The following MAN1A2 variants were observed in gnomAD, a reference collection of about 807,000 sequenced individuals.
MAN1A2 encodes mannosidase alpha class 1A member 2, also known as mannosyl-oligosaccharide 1,2-alpha-mannosidase IB.
Under a neutral mutation model 75.7 loss-of-function variants are expected in MAN1A2, and 26 were observed. That is an observed-to-expected ratio of 0.34 (90% CI 0.25 to 0.48). The LOEUF is 0.48. Among genes scored for constraint, MAN1A2 ranks in the 20% least tolerant of loss-of-function variants. The pLI is 0.99. For missense variants in MAN1A2, 562 were observed against 775.5 expected (o/e 0.72, Z 3.27); for synonymous variants, 247 against 264.6 (o/e 0.93, Z 0.65).
At chr1:117,479,082 A>G (rs1335897112) in intron 8 of MAN1A2, among the ~76,000 whole-genome samples, 1 of 151,424 alleles carries the variant, frequency 6.6e-6, no homozygotes, top group Non-Finnish European at 1.5e-5. Flanking sequence ...CCCTCCCCCT[A>G]TACCTCCAAA....
At chr1:117,427,587 A>G (rs1240517232) in intron 5 of MAN1A2, among the ~76,000 whole-genome samples, 1 of 152,192 alleles carries the variant, frequency 6.6e-6, no homozygotes, top group Admixed American at 6.5e-5. Flanking sequence ...TAATGACTAT[A>G]TTTTTTCTAT....
chr1:117,436,382 G>T (rs910916037), intron 5 of MAN1A2, among the ~76,000 whole-genome samples: 11 of 152,150 alleles, frequency 7.2e-5, no homozygotes, highest in African/African-American at 2.4e-4. Context: ...TGTCTTTGGG[G>T]TGGGTGATAA....
At chr1:117,413,154 AAC>A in intron 3 of MAN1A2, among the ~76,000 whole-genome samples, 1 of 152,056 alleles carries the variant, frequency 6.6e-6, no homozygotes, top group East Asian at 1.9e-4. Context: ...GGAACGTAAC[AAC>A]ACATAACTTT....
intron 8 of MAN1A2, among the ~76,000 whole-genome samples, chr1:117,479,919 G>A (rs1650440800): frequency 6.6e-6 from 1 of 151,802 alleles, no homozygotes; most frequent in African/African-American, 2.4e-5. Context: ...TTCTTGTTTT[G>A]CTTTTAGGAT....
intron 1 of MAN1A2, among the ~76,000 whole-genome samples, chr1:117,371,483 A>G (rs1652963853): frequency 6.6e-6 from 1 of 152,164 alleles, no homozygotes; most frequent in African/African-American, 2.4e-5. Flanking sequence ...GGCAGTGGGA[A>G]TAAGGAAGAC....
At chr1:117,446,711 G>T (rs1352017420) in intron 6 of MAN1A2, among the ~76,000 whole-genome samples, 3 of 151,270 alleles carry the variant, frequency 2.0e-5, no homozygotes, top group Non-Finnish European at 2.9e-5. Context: ...GGTCTTTCTT[G>T]GTAAATACAC....
intron 1 of MAN1A2, among the ~76,000 whole-genome samples, chr1:117,371,034 A>G (rs1181971516): frequency 6.6e-6 from 1 of 152,210 alleles, no homozygotes; most frequent in African/African-American, 2.4e-5. Flanking sequence ...AGTGGCATGT[A>G]TCTACTTTAC....
chr1:117,390,499 TC>T (rs1570704094), intron 1 of MAN1A2, among the ~76,000 whole-genome samples: 2 of 152,002 alleles, frequency 1.3e-5, no homozygotes, highest in East Asian at 3.8e-4. Flanking sequence ...GTTTGTGGTT[TC>T]TCTTTTTTCC....
chr1:117,443,831 A>G (rs941280121), intron 6 of MAN1A2, among the ~76,000 whole-genome samples: 3 of 152,050 alleles, frequency 2.0e-5, no homozygotes, highest in Non-Finnish European at 2.9e-5. Context: ...GCGGATCTCG[A>G]ATTCCTAGGC....
chr1:117,460,516 A>G lies in MAN1A2; in HGVS notation c.978A>G (p.Ala326=). ...KSGVGRNWGW[A]SAGSSILAEF... ...GAGTAGGGCGAAACTGGGGCTGGGC[A>G]TCTGCAGGTAGCAGCATTCTGGCTG... The change falls in exon 7 of 13, where the codon GCA becomes GCG. Residue 326 remains alanine (A), a synonymous_variant. Coordinates refer to ENST00000356554, the MANE Select transcript of MAN1A2 (RefSeq NM_006699.5). 1 of 1,612,724 alleles carries G rather than the reference A, an allele frequency of 6.2e-7. No individual in the cohort carries two copies. The highest frequency in any genetic ancestry group is 8.5e-7 in the Non-Finnish European group (1 of 1,179,362).
intron 1 of MAN1A2, among the ~76,000 whole-genome samples, chr1:117,370,719 T>A (rs909292184): frequency 2.1e-5 from 3 of 144,492 alleles, no homozygotes; most frequent in African/African-American, 7.8e-5. Context: ...AGAAACAAAT[T>A]GACAGTTTAT....
chr1:117,450,695 T>A (rs1345169286), intron 6 of MAN1A2, among the ~76,000 whole-genome samples: 1 of 152,200 alleles, frequency 6.6e-6, no homozygotes, highest in Non-Finnish European at 1.5e-5. Flanking sequence ...TCTCTAGCTG[T>A]GGCTGAAAGG....
chr1:117,372,157 A>G (rs779012567), intron 1 of MAN1A2, among the ~76,000 whole-genome samples: 9 of 152,234 alleles, frequency 5.9e-5, no homozygotes, highest in Non-Finnish European at 1.0e-4. Context: ...TTTGGTTGCA[A>G]TGATTACTTA....
intron 5 of MAN1A2, among the ~76,000 whole-genome samples, chr1:117,434,292 T>G (rs1306986803): frequency 6.6e-6 from 1 of 152,220 alleles, no homozygotes; most frequent in African/African-American, 2.4e-5. Flanking sequence ...AAGACCTTAC[T>G]GAGGTTAATT....
chr1:117,510,176 T>C (rs943595731), intron 12 of MAN1A2, among the ~76,000 whole-genome samples: 1 of 152,014 alleles, frequency 6.6e-6, no homozygotes, highest in Non-Finnish European at 1.5e-5. Flanking sequence ...CTTTTACATA[T>C]ATCTCTGCTC....
intron 5 of MAN1A2, among the ~76,000 whole-genome samples, chr1:117,428,190 C>A (rs1186143884): frequency 6.6e-6 from 1 of 151,698 alleles, no homozygotes; most frequent in East Asian, 1.9e-4. Flanking sequence ...TCACGGCTCA[C>A]TGGAACCTCA....
At chr1:117,521,831 G>A (rs982440355) in intron 12 of MAN1A2, among the ~76,000 whole-genome samples, 28 of 151,826 alleles carry the variant, frequency 1.8e-4, no homozygotes, top group African/African-American at 6.3e-4. Flanking sequence ...ATATTTATAC[G>A]ATGGACTACT....
At chr1:117,452,664 G>T (rs1649459895) in intron 6 of MAN1A2, among the ~76,000 whole-genome samples, 1 of 152,208 alleles carries the variant, frequency 6.6e-6, no homozygotes, top group Non-Finnish European at 1.5e-5. Flanking sequence ...AGAGTTTGAG[G>T]CTTACAGAGG....
At chr1:117,410,989 A>G (rs1647799900) in intron 3 of MAN1A2, among the ~76,000 whole-genome samples, 1 of 151,828 alleles carries the variant, frequency 6.6e-6, no homozygotes, top group Non-Finnish European at 1.5e-5. Flanking sequence ...CATGTTGATG[A>G]ATTTGAATAT....
Sources: allele counts gnomAD v4.1 joint callset (sites outside exome capture counted in the v4.1 genomes callset), GRCh38; gene constraint gnomAD v4.1.1; transcripts MANE v1.5; gene names NCBI Gene and HGNC (gene_info 2026-07-23, HGNC 2026-07-21).